Variants in CRYZL1 observed in about 807,000 individuals in gnomAD.
CRYZL1 encodes the protein ferry endosomal RAB5 effector complex subunit 4.
In CRYZL1, 34 loss-of-function variants were observed where a neutral mutation model predicts 50.6. That is an observed-to-expected ratio of 0.67 (90% CI 0.51 to 0.89). CRYZL1 has a LOEUF of 0.89. Among genes scored for constraint, CRYZL1 ranks in the 40% least tolerant of loss-of-function variants. The pLI, the probability that CRYZL1 is intolerant of heterozygous loss-of-function variation, is 0.00. For missense variants in CRYZL1, 354 were observed against 402.3 expected (o/e 0.88, Z 1.03); for synonymous variants, 125 against 134.3 (o/e 0.93, Z 0.48).
Position 33,624,708 on chromosome 21 carries a change from C to T in CRYZL1, c.119G>A (p.Cys40Tyr). The T allele has an allele frequency of 1.3e-6, 2 of 1,599,814 alleles. No individual in the cohort carries two copies. The highest frequency in any genetic ancestry group is 1.7e-6 in the Non-Finnish European group (2 of 1,176,538). Reference sequence around the variant, plus strand: ...CTTTGTATTTATCTGGCTCAGAGCACAAGCTTTAACTTGAAGTTTCACAAA... The same window carrying T: ...CTTTGTATTTATCTGGCTCAGAGCATAAGCTTTAACTTGAAGTTTCACAAA... ...DNFVKLQVKACALSQINTKLL... is the reference protein window; with the variant it reads ...DNFVKLQVKAYALSQINTKLL... Residue 40 changes from cysteine (C) to tyrosine (Y), a missense_variant, in exon 3 of 13, where the codon TGT becomes TAT. Transcript: ENST00000381554.
chr21:33,627,996 TGGCCTTCCAAAGTGCTGGGATTATA>T (rs2087089286), intron 2 of CRYZL1, among the ~76,000 whole-genome samples: 1 of 152,134 alleles, frequency 6.6e-6, no homozygotes, highest in East Asian at 1.9e-4. Context: ...CTGCCTGCCT[TGGCCTTCCAAAGTGCTGGGATTATA>T]GGCGTAAGCC....
chr21:33,625,320 T>A (rs1431842342), intron 2 of CRYZL1, among the ~76,000 whole-genome samples: 1 of 151,954 alleles, frequency 6.6e-6, no homozygotes, highest in Non-Finnish European at 1.5e-5. Context: ...CATGCCCAGC[T>A]AATTTTTTGT....
chr21:33,601,776 G>A (rs976124739), intron 8 of CRYZL1, among the ~76,000 whole-genome samples: 1 of 151,848 alleles, frequency 6.6e-6, no homozygotes, highest in African/African-American at 2.4e-5. Flanking sequence ...AATTAGCTGG[G>A]CGTGATGGCA....
intron 1 of CRYZL1, among the ~76,000 whole-genome samples, chr21:33,632,928 T>C (rs2087158668): frequency 6.6e-6 from 1 of 152,196 alleles, no homozygotes; most frequent in African/African-American, 2.4e-5. Flanking sequence ...AGACCCAATA[T>C]CCTAAATTTT....
At position 33,589,796 on chromosome 21, in the gene CRYZL1, C is replaced by T. The variant is rs767983397; in HGVS notation, c.*26G>A. 2.1e-5 allele frequency: 30 copies of T among 1,396,630 alleles called. No individual in the cohort carries two copies. Among genetic ancestry groups the T allele is most frequent in the Admixed American group, 1.5e-4 (9 of 58,448 alleles). 86.5% of individuals were successfully genotyped at this position (1,396,630 alleles called of 1,614,324 possible). On this transcript the variant is annotated 3_prime_UTR_variant, in exon 13 of 13. Transcript: ENST00000381554. ...CTTCAAATACTGGAATATGTTCATC[C>T]GACTGAGGTCTGAGAAAGAAGAAAA...
In CRYZL1 at chr21:33,602,473, T is replaced by C. The variant is rs1308881463; in HGVS notation, c.466-128A>G. On this transcript the variant is annotated intron_variant, in intron 7 of 12. Coordinates refer to ENST00000381554, the MANE Select transcript of CRYZL1 (RefSeq NM_145858.3). ...CTTTAGTATATTTTAAAATGTTATC[T>C]AATAGGAAAAGAGCAAAGTTATGGG... The C allele has an allele frequency of 3.8e-5, 17 of 444,718 alleles. No individual in the cohort carries two copies. The East Asian group carries it at 5.7e-4, about 15-fold the overall frequency. The allele number at this position is 444,718 out of a possible 1,614,324, so 27.5% of individuals were successfully genotyped here.
rs576614483 is a variant in CRYZL1, at chr21:33,633,289, T to C, written c.-6-1732A>G. On this transcript the variant is annotated intron_variant, in intron 1 of 12. Transcript: ENST00000381554. ...CTTAAAGCATGTAGCTGGTGTCTCA[T>C]AGCACCAGCTGGGCCAGAACTGGGA... 2.0e-4 allele frequency among the ~76,000 whole-genome samples: 30 copies of C among 152,328 alleles called. No homozygotes were observed. In the South Asian group the frequency reaches 5.8e-3, roughly 29 times the overall value.
At chr21:33,638,937 G>T (rs901925912) in intron 1 of CRYZL1, among the ~76,000 whole-genome samples, 4 of 152,204 alleles carry the variant, frequency 2.6e-5, no homozygotes, top group African/African-American at 9.7e-5. Context: ...TGACCATTTA[G>T]TTCTCTTCTA....
chr21:33,609,502 G>A (rs2086847809), intron 6 of CRYZL1, among the ~76,000 whole-genome samples: 3 of 151,714 alleles, frequency 2.0e-5, no homozygotes, highest in Admixed American at 1.3e-4. Context: ...GTAGAGATGG[G>A]GTTTCACCAT....
At position 33,627,727 on chromosome 21, in the gene CRYZL1, A is replaced by G. The variant is rs2087083829; in HGVS notation, c.67-2967T>C. On this transcript the variant is annotated intron_variant, in intron 2 of 12. Coordinates refer to ENST00000381554, the MANE Select transcript of CRYZL1 (RefSeq NM_145858.3). ...TATCTTTCTACCTCTTCCATTTCAC[A>G]TATGAGACATGGTTTTTTTTTTTTT... 2.7e-5 allele frequency among the ~76,000 whole-genome samples: 4 copies of G among 149,936 alleles called. No individual in the cohort carries two copies. The South Asian group carries it at 8.4e-4, about 32-fold the overall frequency.
chr21:33,612,490 T>C (rs2086883043), intron 6 of CRYZL1, among the ~76,000 whole-genome samples: 1 of 152,198 alleles, frequency 6.6e-6, no homozygotes, highest in Non-Finnish European at 1.5e-5. Context: ...AGTTTCACCA[T>C]GTTGGCCAGG....
Position 33,589,635 on chromosome 21 carries a change from C to G in CRYZL1, c.*187G>C, listed in dbSNP as rs1009388888. 8 of 567,546 alleles carry G rather than the reference C, an allele frequency of 1.4e-5. No individual in the cohort carries two copies. Among genetic ancestry groups the G allele is most frequent in the Non-Finnish European group, 2.2e-5 (7 of 313,866 alleles). The allele number at this position is 567,546 out of a possible 1,614,324, so 35.2% of individuals were successfully genotyped here. ...ATGTTAATTATAGAATTATCTTGAT[C>G]ATTTGCACAAGAATTTTTCAAACAC... On this transcript the variant is annotated 3_prime_UTR_variant, in exon 13 of 13. Coordinates refer to ENST00000381554, the MANE Select transcript of CRYZL1 (RefSeq NM_145858.3).
intron 1 of CRYZL1, among the ~76,000 whole-genome samples, chr21:33,637,958 G>T (rs1341936475): frequency 1.3e-5 from 2 of 151,580 alleles, no homozygotes; most frequent in Non-Finnish European, 2.9e-5. Flanking sequence ...TATAATACTA[G>T]CTGGATTGTT....
At chr21:33,623,616 T>C (rs2087026889) in intron 3 of CRYZL1, among the ~76,000 whole-genome samples, 1 of 152,186 alleles carries the variant, frequency 6.6e-6, no homozygotes, top group Admixed American at 6.5e-5. Context: ...TGTTACAGAG[T>C]TGCCCAGTGA....
chr21:33,589,876 G>A lies in CRYZL1; in HGVS notation c.996C>T (p.Ser332=), dbSNP rs1281713435. Residue 332 remains serine, a synonymous_variant, in exon 13 of 13, where the codon TCC becomes TCT. Transcript: ENST00000381554. The part of the protein sequence containing the change: ...EPIPLYEAKV[S]MEAVQKNQGR... Reference sequence around the variant, plus strand: ...CTTGATTTTTCTGAACAGCTTCCATGGAAACTTTTGCCTCATACAGTGGAA... The same window carrying A: ...CTTGATTTTTCTGAACAGCTTCCATAGAAACTTTTGCCTCATACAGTGGAA... 3 of 1,612,616 alleles carry A rather than the reference G, an allele frequency of 1.9e-6. No individual in the cohort carries two copies. The highest frequency in any genetic ancestry group is 2.7e-5 in the African/African-American group (2 of 74,958).
intron 11 of CRYZL1, among the ~76,000 whole-genome samples, chr21:33,592,004 A>G (rs1191722483): frequency 6.6e-6 from 1 of 152,114 alleles, no homozygotes; most frequent in Non-Finnish European, 1.5e-5. Context: ...GTATTTGCAT[A>G]TAACCGAGGC....
chr21:33,623,185 TG>T, intron 3 of CRYZL1, among the ~76,000 whole-genome samples: 1 of 152,156 alleles, frequency 6.6e-6, no homozygotes, highest in East Asian at 1.9e-4. Context: ...AGGATGGTCT[TG>T]ATCTCTTGAC....
chr21:33,616,541 C>G, intron 5 of CRYZL1, 165 bp downstream of exon 5: 1 of 1,435,778 alleles, frequency 7.0e-7, no homozygotes. Context: ...ATTCGCCCAC[C>G]TTGGCCTCCC....
chr21:33,632,912 C>G (rs1181447576), intron 1 of CRYZL1, among the ~76,000 whole-genome samples: 1 of 152,198 alleles, frequency 6.6e-6, no homozygotes, highest in African/African-American at 2.4e-5. Flanking sequence ...CCTTCTCCTC[C>G]TAAGGAGACC....
Sources: allele counts gnomAD v4.1 joint callset (sites outside exome capture counted in the v4.1 genomes callset), GRCh38; gene constraint gnomAD v4.1.1; transcripts MANE v1.5; gene names NCBI Gene and HGNC (gene_info 2026-07-23, HGNC 2026-07-21).